TRPM8: variants seen among roughly 807,000 people sequenced by gnomAD.
The protein encoded by TRPM8 is transient receptor potential cation channel subfamily M member 8.
A neutral mutation model predicts 133.7 loss-of-function variants in TRPM8; 110 were observed. That is an observed-to-expected ratio of 0.82 (90% CI 0.70 to 0.96). The LOEUF (loss-of-function observed/expected upper bound fraction) is 0.96. TRPM8 is among the 40% of genes least tolerant of loss of function. TRPM8 has a pLI of 0.00. For missense variants in TRPM8, 1,291 were observed against 1,379.5 expected (o/e 0.94, Z 1.02); for synonymous variants, 535 against 532.3 (o/e 1.01, Z -0.07).
rs1691230294 is a variant in TRPM8, at chr2:233,953,924, A to T, written c.1148A>T (p.Glu383Val). ...ETESWIKWLK[E>V]ILECSHLLTV... Reference sequence around the variant, plus strand: ...GTTCTTTAATTTCGCCAGCTCAAAGAAATTCTCGAATGTTCTCACCTATTA... The same window carrying T: ...GTTCTTTAATTTCGCCAGCTCAAAGTAATTCTCGAATGTTCTCACCTATTA... The change falls in exon 10 of 26, where the codon GAA becomes GTA. Residue 383 changes from glutamate (E) to valine (V), a missense_variant. Glu to Val is a moderately radical substitution (Grantham distance 121). Around this residue, in one of 2 missense-constraint regions of TRPM8, gnomAD observed 963 missense variants for 968.9 expected, o/e 0.99. Transcript: ENST00000324695. 1 of 1,611,232 alleles carries T rather than the reference A, an allele frequency of 6.2e-7. No homozygotes were observed. Among genetic ancestry groups the T allele is most frequent in the Admixed American group, 1.7e-5 (1 of 59,388 alleles).
rs1304477159 is a variant in TRPM8, at chr2:234,000,086, G to T, written c.3130+3570G>T. Among the ~76,000 whole-genome samples the T allele has an allele frequency of 4.9e-5, 7 of 144,166 alleles. No homozygotes were observed. In the South Asian group the frequency reaches 1.1e-3, roughly 24 times the overall value. The allele number at this position is 144,166 out of a possible 152,430, so 94.6% of individuals were successfully genotyped here. On this transcript the variant is annotated intron_variant, in intron 22 of 25. Transcript: ENST00000324695. Reference sequence around the variant, plus strand: ...AGCAGCATCTGTGATCAATGTGGATGATTTATTTATTTATTTATTTATTTA... The same window carrying T: ...AGCAGCATCTGTGATCAATGTGGATTATTTATTTATTTATTTATTTATTTA...
chr2:234,014,394 C>G (rs1692909664), intron 24 of TRPM8, among the ~76,000 whole-genome samples, 168 bp from the exon 25 acceptor site: 1 of 152,252 alleles, frequency 6.6e-6, no homozygotes, highest in South Asian at 2.1e-4. Flanking sequence ...AAGCAATGAT[C>G]AGGATCTGAA....
At chr2:233,980,677 A>C (rs1056782962) in intron 18 of TRPM8, among the ~76,000 whole-genome samples, 3 of 152,192 alleles carry the variant, frequency 2.0e-5, no homozygotes, top group Non-Finnish European at 4.4e-5. Context: ...CATGGGGAGA[A>C]ATAAATAGAA....
rs900550684 is a variant in TRPM8 at position 233,937,449 on chromosome 2, G to A, written c.288G>A (p.Lys96=). 10 of 1,614,012 alleles carry A rather than the reference G, an allele frequency of 6.2e-6. No homozygotes were observed. Among genetic ancestry groups the A allele is most frequent in the Non-Finnish European group, 8.5e-6 (10 of 1,180,024 alleles). ...SEKWNYKKHT[K]EFPTDAFGDI... ...AATGGAACTACAAGAAACACACCAA[G>A]GAATTTCCTACCGACGCCTTTGGGG... The change falls in exon 4 of 26, where the codon AAG becomes AAA. Residue 96 remains lysine, a synonymous_variant. Transcript: ENST00000324695.
chr2:233,969,837 A>T (rs201833570), intron 16 of TRPM8, 30 bp downstream of exon 16: 2 of 1,373,994 alleles, frequency 1.5e-6, no homozygotes, highest in Admixed American at 1.7e-5. Flanking sequence ...ATCGTGTGTG[A>T]GTGTGTGTGC....
chr2:233,977,113 G>T (rs747425190), intron 17 of TRPM8, among the ~76,000 whole-genome samples: 31 of 152,186 alleles, frequency 2.0e-4, no homozygotes, highest in Non-Finnish European at 4.0e-4. Flanking sequence ...GAATGCAGAT[G>T]TCGAAATGCT....
chr2:233,920,248 GA>G (rs1292438840), intron 1 of TRPM8, among the ~76,000 whole-genome samples: 2 of 151,968 alleles, frequency 1.3e-5, no homozygotes, highest in South Asian at 4.1e-4. Context: ...GTGAAGTTTT[GA>G]AAAAAATGTG....
intron 1 of TRPM8, among the ~76,000 whole-genome samples, chr2:233,925,864 G>A (rs1691504127): frequency 6.6e-6 from 1 of 152,072 alleles, no homozygotes; most frequent in South Asian, 2.1e-4. Context: ...GCCTCCTGAA[G>A]TATGGGATGG....
chr2:233,996,276 G>T, intron 21 of TRPM8, 50 bp from the exon 22 acceptor site: 3 of 1,554,918 alleles, frequency 1.9e-6, no homozygotes, highest in Non-Finnish European at 1.8e-6. Flanking sequence ...GCAGTTTAGC[G>T]ATGAGGCATG....
At chr2:233,947,292 A>G (rs1332468315) in intron 8 of TRPM8, 137 bp downstream of exon 8, 1 of 1,549,428 alleles carries the variant, frequency 6.5e-7, no homozygotes, top group East Asian at 2.5e-5. Context: ...CCCTCCACAT[A>G]CTGTTCCCCT....
chr2:233,942,652 C>A lies in TRPM8; in HGVS notation c.603C>A (p.Ile201=). ...GGGAGGTGGTGAGAGATAACACCAT[C>A]AGCAGGAGTTCAGAGGAGAATATTG... ...YIGEVVRDNT[I]SRSSEENIVA... Residue 201 remains isoleucine (I), a synonymous_variant, in exon 6 of 26, where the codon ATC becomes ATA. Coordinates refer to ENST00000324695, the MANE Select transcript of TRPM8 (RefSeq NM_024080.5). 2 of 1,614,230 alleles carry A rather than the reference C, an allele frequency of 1.2e-6. No homozygotes were observed. The highest frequency in any genetic ancestry group is 1.7e-6 in the Non-Finnish European group (2 of 1,180,040).
chr2:233,948,530 G>A (rs12476852), intron 8 of TRPM8, among the ~76,000 whole-genome samples: 1 of 152,124 alleles, frequency 6.6e-6, no homozygotes, highest in Non-Finnish European at 1.5e-5. Flanking sequence ...TGGAGAAAAA[G>A]TCATTGAAAT....
chr2:233,989,512 C>T lies in TRPM8; in HGVS notation c.2939+3647C>T, dbSNP rs956191452. ...GGGACACCAGAACAGCGAGAGACGCCGTGTTGTTATCCTTAGGTTAAATCC... is the reference window on the plus strand; with the variant it reads ...GGGACACCAGAACAGCGAGAGACGCTGTGTTGTTATCCTTAGGTTAAATCC... On this transcript the variant is annotated intron_variant, in intron 21 of 25. Transcript: ENST00000324695. This position sits in a 1 kb window ranked among gnomAD's most constrained non-coding sequence, Gnocchi z 4.2. Among the ~76,000 whole-genome samples the T allele has an allele frequency of 1.3e-5, 2 of 152,172 alleles. No homozygotes were observed. The highest frequency in any genetic ancestry group is 2.4e-5 in the African/African-American group (1 of 41,444).
chr2:233,943,094 A>C (rs1199379681), intron 6 of TRPM8: 9 of 328,520 alleles, frequency 2.7e-5, no homozygotes, highest in African/African-American at 9.1e-5. Flanking sequence ...TTTTACACCC[A>C]CTAGGATGGC....
chr2:233,992,311 A>G (rs535971646), intron 21 of TRPM8, among the ~76,000 whole-genome samples: 1 of 150,450 alleles, frequency 6.6e-6, no homozygotes, highest in East Asian at 1.9e-4. Context: ...AGGATGTTAT[A>G]TGTTGCCAGA....
Position 233,960,804 on chromosome 2 carries a change from C to T in TRPM8, c.1391C>T (p.Thr464Met), listed in dbSNP as rs143538093. The T allele has an allele frequency of 1.5e-5, 24 of 1,614,028 alleles. No individual in the cohort carries two copies. The highest frequency in any genetic ancestry group is 1.7e-4 in the Middle Eastern group (1 of 6,060). ...ESADLQEVMF[T>M]ALIKDRPKFV... is the part of the protein sequence containing the mutation. ...GCTGACCTTCAAGAAGTCATGTTTACGGCTCTCATAAAGGACAGACCCAAG... is the reference window on the plus strand; with the variant it reads ...GCTGACCTTCAAGAAGTCATGTTTATGGCTCTCATAAAGGACAGACCCAAG... Residue 464 changes from threonine (T) to methionine (M), a missense_variant, in exon 12 of 26, where the codon ACG (threonine) becomes ATG (methionine). By Grantham distance (81) the Thr-to-Met change is moderately conservative (BLOSUM62 -1). Transcript: ENST00000324695.
intron 24 of TRPM8, 68 bp from the exon 25 acceptor site, chr2:234,014,494 G>A (rs1366951033): frequency 9.5e-6 from 9 of 951,940 alleles, no homozygotes; most frequent in African/African-American, 8.7e-5. Flanking sequence ...AAGGCACAGA[G>A]CGATAATTTA....
chr2:233,922,085 G>C (rs532431096), intron 1 of TRPM8, among the ~76,000 whole-genome samples: 1 of 142,916 alleles, frequency 7.0e-6, no homozygotes. Context: ...GGTTACAGTC[G>C]CAAGGGTCTC....
intron 6 of TRPM8, chr2:233,943,022 A>G (rs1574707346): frequency 6.0e-6 from 3 of 502,240 alleles, no homozygotes; most frequent in Non-Finnish European, 1.1e-5. Context: ...CTTCATAACT[A>G]TGGCTTACAT....
Sources: allele counts gnomAD v4.1 joint callset (sites outside exome capture counted in the v4.1 genomes callset), GRCh38; gene constraint gnomAD v4.1.1; regional missense constraint gnomAD v4.1.1; non-coding constraint Gnocchi (gnomAD v3.1); transcripts MANE v1.5; gene names NCBI Gene and HGNC (gene_info 2026-07-23, HGNC 2026-07-21).